The following ACSM1 variants were observed in gnomAD, a reference collection of about 807,000 sequenced individuals.
The protein encoded by ACSM1 is acyl-CoA synthetase medium chain family member 1.
In ACSM1, 79 loss-of-function variants were observed where a neutral mutation model predicts 75.8. The ratio of observed to expected loss-of-function variants is 1.04; its 90% CI spans 0.87 to 1.26. The LOEUF (loss-of-function observed/expected upper bound fraction) is 1.26. Among genes scored for constraint, ACSM1 ranks in the 50% most tolerant of loss-of-function variants. The pLI is 0.00. For synonymous variants in ACSM1, 279 were observed against 265.8 expected (o/e 1.05, Z -0.48); for missense variants, 676 against 720.1 (o/e 0.94, Z 0.70).
chr16:20,669,883 C>A lies in ACSM1; in HGVS notation c.856G>T (p.Gly286Cys). The change falls in exon 6 of 14, where the codon GGT becomes TGT. Residue 286 changes from glycine to cysteine, a missense_variant. Gly to Cys is a radical substitution (Grantham distance 159). Transcript: ENST00000520010. ...AGATGGTGGATAAAGACTGTACAAC[C>A]CGCTGTCCATGGTTCTACCAGGGTC... is the stretch of plus-strand genomic sequence containing the variant. ...IWTLVEPWTA[G>C]CTVFIHHLPQ... 6.2e-7 allele frequency: 1 copy of A among 1,613,956 alleles called. No individual in the cohort carries two copies.
At chr16:20,676,934 G>A (rs1170584528) in intron 4 of ACSM1, among the ~76,000 whole-genome samples, 1 of 152,164 alleles carries the variant, frequency 6.6e-6, no homozygotes, top group Non-Finnish European at 1.5e-5. Flanking sequence ...TGCACCTGCT[G>A]TGAAAGGCAG....
intron 4 of ACSM1, among the ~76,000 whole-genome samples, chr16:20,673,678 G>T (rs144397957): frequency 6.6e-6 from 1 of 152,198 alleles, no homozygotes; most frequent in East Asian, 1.9e-4. Context: ...GAAAGAGTTT[G>T]CTCCCAAAGC....
chr16:20,691,750 AATGTGTGTGTGTGT>A (rs2079654734), intron 1 of ACSM1, among the ~76,000 whole-genome samples: 1 of 87,900 alleles, frequency 1.1e-5, no homozygotes, highest in South Asian at 4.3e-4. Flanking sequence ...ATACCTCTCC[AATGTGTGTGTGTGT>A]GTGTGTGTGT....
intron 2 of ACSM1, among the ~76,000 whole-genome samples, chr16:20,689,126 A>G (rs1369228547): frequency 6.6e-6 from 1 of 151,426 alleles, no homozygotes; most frequent in Non-Finnish European, 1.5e-5. Context: ...GCTGGGATAG[A>G]ACTGTAAAGG....
chr16:20,625,278 A>C (rs750458740), intron 12 of ACSM1, 145 bp downstream of exon 12: 1 of 726,364 alleles, frequency 1.4e-6, no homozygotes, highest in Non-Finnish European at 2.3e-6. Context: ...GAGAGTCCAC[A>C]CTGTCCCCTG....
chr16:20,679,884 A>G (rs1427088069), intron 4 of ACSM1: 1 of 152,200 alleles, frequency 6.6e-6, no homozygotes, highest in African/African-American at 2.4e-5. Context: ...TATAGCTCGA[A>G]CAAAAGAAGC....
intron 7 of ACSM1, among the ~76,000 whole-genome samples, chr16:20,661,559 T>C (rs2019300380): frequency 6.6e-6 from 1 of 152,178 alleles, no homozygotes; most frequent in Non-Finnish European, 1.5e-5. Context: ...CAATTGTTAT[T>C]TTACAACTGA....
At chr16:20,654,568 A>G (rs558376397) in intron 7 of ACSM1, among the ~76,000 whole-genome samples, 1 of 152,114 alleles carries the variant, frequency 6.6e-6, no homozygotes, top group African/African-American at 2.4e-5. Context: ...ACAACAAAAA[A>G]CCCCATCAAA....
intron 7 of ACSM1, among the ~76,000 whole-genome samples, chr16:20,651,149 C>G (rs982840908): frequency 6.6e-6 from 1 of 152,164 alleles, no homozygotes; most frequent in Non-Finnish European, 1.5e-5. Context: ...ATTTTGCTAT[C>G]TGATTTCACC....
intron 7 of ACSM1, among the ~76,000 whole-genome samples, chr16:20,658,805 G>A (rs2019139037): frequency 6.6e-6 from 1 of 151,450 alleles, no homozygotes; most frequent in Admixed American, 6.6e-5. Context: ...AAATTGGCCG[G>A]AAAAGAGATT....
intron 10 of ACSM1, among the ~76,000 whole-genome samples, chr16:20,628,814 A>G (rs1673068): frequency 0.48 from 72,337 of 152,016 alleles, 20,158 homozygotes; most frequent in East Asian, 0.86. Flanking sequence ...AAAAAACCTA[A>G]GCTTGAGGGA....
At chr16:20,683,715 C>CTCTCTCTT (rs1555477280) in intron 3 of ACSM1, among the ~76,000 whole-genome samples, 34 of 136,310 alleles carry the variant, frequency 2.5e-4, no homozygotes, top group Non-Finnish European at 4.0e-4. Context: ...CTCTCTCTCT[C>CTCTCTCTT]TCTTTCTTTC....
rs1365247121 is a variant in ACSM1 at position 20,675,200 on chromosome 16, C to T, written c.612-3529G>A. Among the ~76,000 whole-genome samples, 3 of 152,028 alleles carry T rather than the reference C, an allele frequency of 2.0e-5. No individual in the cohort carries two copies. In the East Asian group the frequency reaches 5.8e-4, roughly 29 times the overall value. ...GTGTGAATGTGGGAATCTAACTAGG[C>T]TCACCCGGGACACGAGAGAGGGTTG... On this transcript the variant is annotated intron_variant, in intron 4 of 13. Coordinates refer to ENST00000520010, the MANE Select transcript of ACSM1 (RefSeq NM_001318890.3).
intron 2 of ACSM1, among the ~76,000 whole-genome samples, chr16:20,685,861 C>T (rs2152322430): frequency 7.1e-6 from 1 of 140,364 alleles, no homozygotes; most frequent in African/African-American, 2.6e-5. Context: ...AAACTTATAG[C>T]ATCAGGAGAG....
At chr16:20,628,106 G>T (rs1334792309) in intron 10 of ACSM1, among the ~76,000 whole-genome samples, 3 of 151,528 alleles carry the variant, frequency 2.0e-5, no homozygotes. Context: ...TATGAGTCTA[G>T]TATGTTTTTA....
In ACSM1 at chr16:20,685,510, G is replaced by C; in HGVS notation, c.193-107C>G. ...CGTTCCAATGTGAACACAGCTTAAG[G>C]ACTGAGATCCCATTTTAAAACATTT... On this transcript the variant is annotated intron_variant, in intron 2 of 13. Coordinates refer to ENST00000520010, the MANE Select transcript of ACSM1 (RefSeq NM_001318890.3). 3 of 1,039,968 alleles carry C rather than the reference G, an allele frequency of 2.9e-6. No individual in the cohort carries two copies. The South Asian group carries it at 4.0e-5, about 14-fold the overall frequency. The allele number at this position is 1,039,968 out of a possible 1,614,324, so 64.4% of individuals were successfully genotyped here.
chr16:20,669,619 A>G (rs563061272), intron 6 of ACSM1, among the ~76,000 whole-genome samples: 6 of 152,172 alleles, frequency 3.9e-5, no homozygotes, highest in Non-Finnish European at 8.8e-5. Flanking sequence ...AGGATCGCCC[A>G]GTAATACACA....
chr16:20,635,580 T>TTTCTTTC (rs2017621916), intron 10 of ACSM1, among the ~76,000 whole-genome samples: 3 of 124,486 alleles, frequency 2.4e-5, no homozygotes, highest in Non-Finnish European at 5.2e-5. Flanking sequence ...TAATTTTTCT[T>TTTCTTTC]TTTCTTTCTT....
At chr16:20,669,479 CACA>C (rs1567291954) in intron 6 of ACSM1, among the ~76,000 whole-genome samples, 31 of 151,416 alleles carry the variant, frequency 2.0e-4, no homozygotes, top group African/African-American at 7.5e-4. Context: ...CACACACACA[CACA>C]CCCCAGCTGC....
Sources: gnomAD v4.1 joint callset for allele counts (sites outside exome capture counted in the v4.1 genomes callset) on GRCh38, gnomAD v4.1.1 for gene constraint, MANE v1.5 for transcripts, NCBI Gene and HGNC (gene_info 2026-07-23, HGNC 2026-07-21) for gene names.